Variants in RCAN2 observed in about 807,000 individuals in gnomAD.
The protein encoded by RCAN2 is calcipressin-2.
A neutral mutation model predicts 23.6 loss-of-function variants in RCAN2; 9 were observed. The observed-to-expected ratio is 0.38, with a 90% CI of 0.23 to 0.67. The LOEUF (loss-of-function observed/expected upper bound fraction) is 0.67. RCAN2 is among the 30% of genes least tolerant of loss of function. The pLI is 0.51. For synonymous variants in RCAN2, 109 were observed against 115.7 expected (o/e 0.94, Z 0.37); for missense variants, 273 against 302.3 (o/e 0.90, Z 0.72).
At chr6:46,387,607 G>A (rs1162030144) in intron 2 of RCAN2, among the ~76,000 whole-genome samples, 3 of 152,164 alleles carry the variant, frequency 2.0e-5, no homozygotes, top group South Asian at 2.1e-4. Flanking sequence ...GAAACAACAG[G>A]TGCTGGAGAG....
chr6:46,279,817 C>T (rs958546339), intron 2 of RCAN2, among the ~76,000 whole-genome samples: 7 of 152,114 alleles, frequency 4.6e-5, no homozygotes, highest in African/African-American at 1.7e-4. Context: ...AGAACAGCTC[C>T]TTCATAGGAT....
At chr6:46,335,447 T>A (rs926462706) in intron 2 of RCAN2, among the ~76,000 whole-genome samples, 3 of 152,182 alleles carry the variant, frequency 2.0e-5, no homozygotes, top group Non-Finnish European at 4.4e-5. Flanking sequence ...AAAAGTCCTG[T>A]TCAATACACA....
chr6:46,317,526 A>G (rs1763477751), intron 2 of RCAN2, among the ~76,000 whole-genome samples: 1 of 152,018 alleles, frequency 6.6e-6, no homozygotes, highest in Non-Finnish European at 1.5e-5. Context: ...CAGTGGCATG[A>G]TCTCGGCTCA....
chr6:46,449,811 T>C (rs538614915), intron 2 of RCAN2, among the ~76,000 whole-genome samples: 1 of 151,970 alleles, frequency 6.6e-6, no homozygotes, highest in East Asian at 1.9e-4. Context: ...TTATGACATA[T>C]ACAAAAATAA....
chr6:46,283,839 G>T (rs1322163408), intron 2 of RCAN2, among the ~76,000 whole-genome samples: 1 of 152,166 alleles, frequency 6.6e-6, no homozygotes. Flanking sequence ...GATTTAAAAT[G>T]AAGAGAAGCA....
Position 46,248,779 on chromosome 6 carries a change from T to A in RCAN2, c.343A>T (p.Ile115Leu). The change falls in exon 3 of 5, where the codon ATA becomes TTA. Residue 115 changes from isoleucine to leucine, a missense_variant. Transcript: ENST00000371374. ...CTGAATTGGGTTTCATGAAGCTCTA[T>A]CCTAGCTCGGGCTGCAGATTTAGGA... ...SNPKSAARAR[I>L]ELHETQFRGK... is the part of the protein sequence containing the mutation. 6.2e-7 allele frequency: 1 copy of A among 1,613,520 alleles called. No homozygotes were observed. The highest frequency in any genetic ancestry group is 8.5e-7 in the Non-Finnish European group (1 of 1,179,828).
chr6:46,318,782 G>C (rs529597457), intron 2 of RCAN2, among the ~76,000 whole-genome samples: 1 of 152,042 alleles, frequency 6.6e-6, no homozygotes, highest in African/African-American at 2.4e-5. Context: ...TATAATATCC[G>C]TATATACATA....
At chr6:46,410,563 A>T (rs1206948452) in intron 2 of RCAN2, among the ~76,000 whole-genome samples, 2 of 152,202 alleles carry the variant, frequency 1.3e-5, no homozygotes, top group South Asian at 2.1e-4. Flanking sequence ...GGCATGTCTG[A>T]GAAATAATTG....
intron 2 of RCAN2, among the ~76,000 whole-genome samples, chr6:46,364,792 C>T (rs947609791): frequency 3.3e-5 from 5 of 152,174 alleles, no homozygotes; most frequent in African/African-American, 1.2e-4. Context: ...CCCCACATTC[C>T]CTGGAGTCCT....
chr6:46,289,044 A>G (rs1007793833), intron 2 of RCAN2, among the ~76,000 whole-genome samples: 3 of 152,202 alleles, frequency 2.0e-5, no homozygotes, highest in Admixed American at 6.5e-5. Context: ...ATGGGGCTAC[A>G]TATGCGGGAA....
intron 2 of RCAN2, among the ~76,000 whole-genome samples, chr6:46,452,251 AG>A (rs1435823598): frequency 2.0e-5 from 3 of 152,152 alleles, no homozygotes; most frequent in Non-Finnish European, 2.9e-5. Flanking sequence ...CCATGGGAAA[AG>A]TCTCTGCTCT....
At chr6:46,310,397 G>C (rs1319109082) in intron 2 of RCAN2, among the ~76,000 whole-genome samples, 1 of 152,126 alleles carries the variant, frequency 6.6e-6, no homozygotes, top group Admixed American at 6.5e-5. Context: ...TCTGAAGCTG[G>C]AATACCATCA....
At chr6:46,356,179 A>C (rs1210206688) in intron 2 of RCAN2, among the ~76,000 whole-genome samples, 2 of 152,354 alleles carry the variant, frequency 1.3e-5, no homozygotes, top group African/African-American at 4.8e-5. Context: ...CGCCTGGAAA[A>C]GAGGGAACAG....
intron 2 of RCAN2, among the ~76,000 whole-genome samples, chr6:46,281,110 G>C (rs1352925280): frequency 6.6e-6 from 1 of 152,150 alleles, no homozygotes; most frequent in Non-Finnish European, 1.5e-5. Context: ...CTGAGGTTTG[G>C]GGTAGAGTGA....
At chr6:46,341,078 T>A (rs1764304843) in intron 2 of RCAN2, among the ~76,000 whole-genome samples, 1 of 152,208 alleles carries the variant, frequency 6.6e-6, no homozygotes, top group African/African-American at 2.4e-5. Flanking sequence ...TTACTAGTTT[T>A]AAAAAATCTT....
Position 46,421,231 on chromosome 6 carries a change from G to T in RCAN2, c.225+35521C>A, listed in dbSNP as rs545531544. Among the ~76,000 whole-genome samples the T allele has an allele frequency of 1.1e-4, 16 of 152,298 alleles. No individual in the cohort carries two copies. The South Asian group carries it at 3.1e-3, about 30-fold the overall frequency. On this transcript the variant is annotated intron_variant, in intron 2 of 4. Transcript: ENST00000371374. Reference sequence around the variant, plus strand: ...TGATGTACAAAACAGATTAAATGGGGAAAGTAAACTTAGGCAGATTAATCA... The same window carrying T: ...TGATGTACAAAACAGATTAAATGGGTAAAGTAAACTTAGGCAGATTAATCA...
At chr6:46,319,167 T>C (rs569495559) in intron 2 of RCAN2, among the ~76,000 whole-genome samples, 41 of 152,348 alleles carry the variant, frequency 2.7e-4, no homozygotes, top group Non-Finnish European at 5.3e-4. Context: ...ACTGCAAAGT[T>C]GCAATGCCTA....
rs976886452 is a variant in RCAN2, at chr6:46,358,101, C to T, written c.225+98651G>A. ...GGAAAATTCAATAACGTTATAATCC[C>T]GGTGACGCCCTAGGTCTAGAATGAC... On this transcript the variant is annotated intron_variant, in intron 2 of 4. Coordinates refer to ENST00000371374, the MANE Select transcript of RCAN2 (RefSeq NM_001251974.2). 3.9e-5 allele frequency among the ~76,000 whole-genome samples: 6 copies of T among 152,104 alleles called. No individual in the cohort carries two copies. The East Asian group carries it at 7.7e-4, about 20-fold the overall frequency.
chr6:46,354,205 C>CTG (rs56237510), intron 2 of RCAN2, among the ~76,000 whole-genome samples: 4,981 of 132,932 alleles, frequency 0.037, 151 homozygotes, highest in African/African-American at 0.091. Flanking sequence ...TGTTATTTTA[C>CTG]TGTGTGTGTG....
Sources: allele counts gnomAD v4.1 joint callset (sites outside exome capture counted in the v4.1 genomes callset), GRCh38; gene constraint gnomAD v4.1.1; transcripts MANE v1.5; gene names NCBI Gene and HGNC (gene_info 2026-07-23, HGNC 2026-07-21).